The following PRR11 variants were observed in gnomAD, a reference collection of about 807,000 sequenced individuals.
PRR11 encodes the protein proline-rich protein 11.
In PRR11, 30 loss-of-function variants were observed where a neutral mutation model predicts 45.6. The observed-to-expected ratio is 0.66, with a 90% CI of 0.49 to 0.89. The LOEUF (loss-of-function observed/expected upper bound fraction) is 0.89. PRR11 is among the 40% of genes least tolerant of loss of function. The probability of loss-of-function intolerance (pLI) is 0.00; values close to 1 mark genes in which losing one functional copy is unlikely to be tolerated. For missense variants in PRR11, 373 were observed against 424.8 expected, an observed-to-expected ratio of 0.88 and a Z score of 1.07; for synonymous variants, 128 against 153.5, an observed-to-expected ratio of 0.83 and a Z score of 1.23.
chr17:59,199,089 A>C (rs374670648), intron 9 of PRR11, among the ~76,000 whole-genome samples: 1 of 152,176 alleles, frequency 6.6e-6, no homozygotes, highest in East Asian at 1.9e-4. Context: ...ATCACATGGC[A>C]GTATGTGCTA....
At chr17:59,184,394 G>A (rs1392570229) in intron 2 of PRR11, among the ~76,000 whole-genome samples, 2 of 152,172 alleles carry the variant, frequency 1.3e-5, no homozygotes, top group East Asian at 3.8e-4. Flanking sequence ...CTCGGGGTGC[G>A]GAGGTTGCCG....
rs1309351824 is a variant in PRR11 at position 59,168,147 on chromosome 17, T to TATTTC, written c.-5-1597_-5-1596insCATTT. Among the ~76,000 whole-genome samples the TATTTC allele has an allele frequency of 8.7e-5, 13 of 149,318 alleles. No homozygotes were observed. In the East Asian group the frequency reaches 2.0e-3, roughly 23 times the overall value. On this transcript the variant is annotated intron_variant, in intron 1 of 9. Transcript: ENST00000262293. ...CCTCTGTTCTACTAGGTAATGTTTT[T>TATTTC]ATTTTATTTTATTTTATTTTATTTT...
chr17:59,164,923 C>G (rs1482876365), intron 1 of PRR11, among the ~76,000 whole-genome samples: 4 of 151,766 alleles, frequency 2.6e-5, no homozygotes, highest in Non-Finnish European at 5.9e-5. Flanking sequence ...GAAATGTAAC[C>G]TTTTTTCTTC....
intron 1 of PRR11, among the ~76,000 whole-genome samples, chr17:59,162,442 T>TGAATTTTTGAGTACATA (rs1423430496): frequency 6.6e-6 from 1 of 152,106 alleles, no homozygotes; most frequent in African/African-American, 2.4e-5. Context: ...ACTCAAATTT[T>TGAATTTTTGAGTACATA]CCAGCTAATG....
Position 59,203,269 on chromosome 17 carries a change from G to A in PRR11, c.*1638G>A, listed in dbSNP as rs2147859349. Among the ~76,000 whole-genome samples the A allele has an allele frequency of 6.6e-6, 1 of 152,222 alleles. No individual in the cohort carries two copies. The highest frequency in any genetic ancestry group is 1.9e-4 in the East Asian group (1 of 5,174). On this transcript the variant is annotated 3_prime_UTR_variant, in exon 10 of 10. Coordinates refer to ENST00000262293, the MANE Select transcript of PRR11 (RefSeq NM_018304.4). ...AGATGAAGTCTCACTCTGTCACCCA[G>A]GCTGGAGTGCAGTGGCGCAATCTTG...
At chr17:59,181,085 G>A (rs2046782918) in intron 2 of PRR11, among the ~76,000 whole-genome samples, 1 of 151,334 alleles carries the variant, frequency 6.6e-6, no homozygotes, top group Non-Finnish European at 1.5e-5. Context: ...CACCTCCGGG[G>A]TTCACGCCAT....
In PRR11 at chr17:59,201,677, A is replaced by AT; in HGVS notation, c.*47dup. On this transcript the variant is annotated 3_prime_UTR_variant, in exon 10 of 10. Transcript: ENST00000262293. ...ATGAGATGATCCATAACAAATACAG[A>AT]TAAAAACACCCAGCTGGGTGCAGTG... The AT allele has an allele frequency of 6.3e-7, 1 of 1,589,960 alleles. No homozygotes were observed. Among genetic ancestry groups the AT allele is most frequent in the Non-Finnish European group, 8.6e-7 (1 of 1,159,472 alleles).
intron 2 of PRR11, among the ~76,000 whole-genome samples, chr17:59,176,907 G>T (rs1189129235): frequency 6.6e-6 from 1 of 151,898 alleles, no homozygotes; most frequent in Non-Finnish European, 1.5e-5. Flanking sequence ...ATGTTAGTCA[G>T]GCTGGTCTCA....
intron 2 of PRR11, among the ~76,000 whole-genome samples, chr17:59,174,649 C>T (rs565455208): frequency 8.5e-5 from 13 of 152,082 alleles, no homozygotes; most frequent in African/African-American, 2.7e-4. Context: ...TGCCCAGGCT[C>T]GAAGCCGGAT....
In PRR11 at chr17:59,205,191, T is replaced by G. The variant is rs1165036182; in HGVS notation, c.*3560T>G. Among the ~76,000 whole-genome samples the G allele has an allele frequency of 6.6e-6, 1 of 152,196 alleles. No individual in the cohort carries two copies. Among genetic ancestry groups the G allele is most frequent in the East Asian group, 1.9e-4 (1 of 5,202 alleles). ...ATCTTTTACTGATTTTTATGACAGA[T>G]TTTATATTGTAACCATTCGAGAACT... On this transcript the variant is annotated 3_prime_UTR_variant, in exon 10 of 10. Transcript: ENST00000262293.
chr17:59,179,117 A>G (rs1384329325), intron 2 of PRR11, among the ~76,000 whole-genome samples: 1 of 152,116 alleles, frequency 6.6e-6, no homozygotes, highest in Non-Finnish European at 1.5e-5. Context: ...CTCCTGTCTC[A>G]GTCCCCTGAG....
chr17:59,182,769 T>G (rs370572504), intron 2 of PRR11, among the ~76,000 whole-genome samples: 16 of 152,204 alleles, frequency 1.1e-4, no homozygotes, highest in African/African-American at 3.9e-4. Context: ...CGACACTTCA[T>G]CATCCACCAC....
intron 5 of PRR11, 143 bp from the exon 6 acceptor site, chr17:59,194,614 G>T: frequency 3.8e-6 from 2 of 522,718 alleles, no homozygotes; most frequent in Non-Finnish European, 6.8e-6. Context: ...ATTATTCTTG[G>T]TTGAGTAGAA....
chr17:59,194,758 C>T lies in PRR11; in HGVS notation c.647C>T (p.Ala216Val). The T allele has an allele frequency of 2.5e-6, 4 of 1,609,844 alleles. No homozygotes were observed. Among genetic ancestry groups the T allele is most frequent in the Non-Finnish European group, 3.4e-6 (4 of 1,177,264 alleles). ...TCTAACCTTACCATGTATTTTAAGG[C>T]TGGACCATTAAAAAAAGATGGACCC... ...RKPSLAKALQ[A>V]GPLKKDGPMQ... Residue 216 changes from alanine (A) to valine (V), a missense_variant and splice_region_variant, in exon 6 of 10, where the codon GCT becomes GTT. By Grantham distance (64) the Ala-to-Val change is moderately conservative (BLOSUM62 0). Coordinates refer to ENST00000262293, the MANE Select transcript of PRR11 (RefSeq NM_018304.4).
intron 2 of PRR11, among the ~76,000 whole-genome samples, chr17:59,177,437 C>T (rs1278720840): frequency 6.6e-6 from 1 of 152,002 alleles, no homozygotes; most frequent in African/African-American, 2.4e-5. Flanking sequence ...GATGCAAATC[C>T]GAGAAGCTGG....
At chr17:59,181,223 C>T (rs1353506367) in intron 2 of PRR11, among the ~76,000 whole-genome samples, 15 of 150,526 alleles carry the variant, frequency 1.0e-4, no homozygotes, top group African/African-American at 2.9e-4. Flanking sequence ...CTCCTGACCT[C>T]GTAATCCGCC....
Position 59,181,552 on chromosome 17 carries a change from A to G in PRR11, c.129-3502A>G, listed in dbSNP as rs1317444378. The G allele has an allele frequency of 3.2e-6, 4 of 1,235,908 alleles. No homozygotes were observed. In the Admixed American group the frequency reaches 5.2e-5, roughly 16 times the overall value. 76.6% of individuals were successfully genotyped at this position (1,235,908 alleles called of 1,614,324 possible). A position where few individuals can be genotyped will look rare whatever the true frequency, so the allele number is the denominator to read the frequency against. On this transcript the variant is annotated intron_variant, in intron 2 of 9. Transcript: ENST00000262293. Reference sequence around the variant, plus strand: ...GTCCTCATGGTGCTCAGGGAGCACGAATGACACTAGCCGTTGCTTCAGCTT... The same window carrying G: ...GTCCTCATGGTGCTCAGGGAGCACGGATGACACTAGCCGTTGCTTCAGCTT...
At chr17:59,186,523 T>C (rs2046815257) in intron 4 of PRR11, among the ~76,000 whole-genome samples, 1 of 150,750 alleles carries the variant, frequency 6.6e-6, no homozygotes, top group South Asian at 2.1e-4. Context: ...GCCTCCCTTG[T>C]AGCTGGGACC....
chr17:59,182,962 G>A (rs957360968), intron 2 of PRR11, among the ~76,000 whole-genome samples: 1 of 152,100 alleles, frequency 6.6e-6, no homozygotes, highest in Non-Finnish European at 1.5e-5. Flanking sequence ...ATCAATTCTC[G>A]AGGCTGAGAG....
Sources: gnomAD v4.1 joint callset for allele counts (sites outside exome capture counted in the v4.1 genomes callset) on GRCh38, gnomAD v4.1.1 for gene constraint, MANE v1.5 for transcripts, NCBI Gene and HGNC (gene_info 2026-07-23, HGNC 2026-07-21) for gene names.